Variants in ARSH observed in about 807,000 individuals in gnomAD.
ARSH encodes arylsulfatase family member H.
ARSH carries 32 observed loss-of-function variants against 28.7 expected under a neutral mutation model. The observed-to-expected ratio is 1.11, with a 90% CI of 0.84 to 1.50. The LOEUF is 1.50. Ranked by LOEUF, ARSH falls within the 40% of genes most tolerant of loss-of-function variation. The pLI, the probability that ARSH is intolerant of heterozygous loss-of-function variation, is 0.00. For synonymous variants in ARSH, 176 were observed against 177.3 expected (o/e 0.99, Z 0.06); for missense variants, 440 against 452.4 (o/e 0.97, Z 0.25).
At position 3,024,023 on chromosome X, in the gene ARSH, A is replaced by G; in HGVS notation, c.904A>G (p.Lys302Glu). 3 of 1,209,845 alleles carry G rather than the reference A, an allele frequency of 2.5e-6. No individual in the cohort carries two copies. The highest frequency in any genetic ancestry group is 3.5e-5 in the South Asian group (2 of 56,868). The change falls in exon 6 of 9, where the codon AAA (lysine) becomes GAA (glutamate). Residue 302 changes from lysine (K) to glutamate (E), a missense_variant and splice_region_variant. Transcript: ENST00000381130. Reference sequence around the variant, plus strand: ...TTTGTGTCTCTGACCCTCTCCAGGTAAAATCCTGGATGCCCTGGACCAGGA... The same window carrying G: ...TTTGTGTCTCTGACCCTCTCCAGGTGAAATCCTGGATGCCCTGGACCAGGA... ...NVEEMDWMVG[K>E]ILDALDQERL...
In ARSH at chrX:3,018,546, AC is replaced by A. The variant is rs778028756; in HGVS notation, c.779del (p.Pro260LeufsTer34). 18 of 1,210,274 alleles carry A rather than the reference AC, an allele frequency of 1.5e-5. No homozygotes were observed. Among genetic ancestry groups the A allele is most frequent in the Non-Finnish European group, 1.9e-5 (17 of 894,692 alleles). ...TTCTACCCCTTAGGTACAAAAGGGA[AC>A]CTTTTCTCCTCTTTTTTTCCTTCCT... ...LAFIERYKRE[P>X]FLLFFSFLHV... is the part of the protein sequence containing the mutation. On this transcript the variant is annotated frameshift_variant, in exon 5 of 9. Coordinates refer to ENST00000381130, the MANE Select transcript of ARSH (RefSeq NM_001011719.2). LOFTEE classifies it high-confidence loss of function.
In ARSH at chrX:3,024,418, G is replaced by A. The variant is rs181215928; in HGVS notation, c.1036+263G>A. Among the ~76,000 whole-genome samples, 371 of 110,622 alleles carry A rather than the reference G, an allele frequency of 3.4e-3. 1 individual carries two copies. Among genetic ancestry groups the A allele is most frequent in the African/African-American group, 0.011 (336 of 30,553 alleles). On this transcript the variant is annotated intron_variant, in intron 6 of 8. Transcript: ENST00000381130. ...ATCTGTGGCAGATGTCCCAGCCTCC[G>A]CACGATTGACATTTGAGGCTGGAGG...
intron 5 of ARSH, among the ~76,000 whole-genome samples, chrX:3,020,531 G>C (rs1231933846): frequency 1.0e-5 from 1 of 96,555 alleles, no homozygotes; most frequent in Non-Finnish European, 2.0e-5. Flanking sequence ...GGAGCTTGCA[G>C]TGAGCCGAGA....
At position 3,033,509 on chromosome X, in the gene ARSH, C is replaced by A; in HGVS notation, c.*124C>A. The A allele has an allele frequency of 1.3e-6, 1 of 772,888 alleles. No individual in the cohort carries two copies. The highest frequency in any genetic ancestry group is 1.8e-6 in the Non-Finnish European group (1 of 563,591). 63.7% of individuals were successfully genotyped at this position (772,888 alleles called of 1,213,427 possible). On this transcript the variant is annotated 3_prime_UTR_variant, in exon 9 of 9. Transcript: ENST00000381130. Reference sequence around the variant, plus strand: ...TGATGGCCCAACCCATTGTTTTATCCTCAGAAATCAGTTCTTTCAAGAGCT... The same window carrying A: ...TGATGGCCCAACCCATTGTTTTATCATCAGAAATCAGTTCTTTCAAGAGCT...
chrX:3,021,996 C>T lies in ARSH; in HGVS notation c.902-2025C>T, dbSNP rs141728625. 8.3e-4 allele frequency among the ~76,000 whole-genome samples: 91 copies of T among 109,757 alleles called. 2 individuals are homozygous for T. The highest frequency in any genetic ancestry group is 2.9e-3 in the African/African-American group (88 of 30,169). ...GGCTCAAGCAAACTTCCCACCTCGGCCTCCCAAAGTCCTGGGATTACATGT... is the reference window on the plus strand; with the variant it reads ...GGCTCAAGCAAACTTCCCACCTCGGTCTCCCAAAGTCCTGGGATTACATGT... On this transcript the variant is annotated intron_variant, in intron 5 of 8. Transcript: ENST00000381130.
At chrX:3,026,052 C>T (rs986643173) in intron 6 of ARSH, among the ~76,000 whole-genome samples, 7 of 110,882 alleles carry the variant, frequency 6.3e-5, no homozygotes, top group South Asian at 3.8e-4. Flanking sequence ...AGTTACACCT[C>T]GCAGCTCTGC....
At chrX:3,016,265 G>C (rs190457869) in intron 4 of ARSH, among the ~76,000 whole-genome samples, 7 of 110,467 alleles carry the variant, frequency 6.3e-5, no homozygotes, top group South Asian at 3.9e-4. Flanking sequence ...ACCCACTTTG[G>C]CCTCCCAAAG....
chrX:3,020,588 C>CAA (rs759581189), intron 5 of ARSH, among the ~76,000 whole-genome samples: 1,588 of 43,777 alleles, frequency 0.036, 111 homozygotes, highest in Middle Eastern at 0.052. Context: ...GACTCAGTCT[C>CAA]AAAAAAAAAA....
At chrX:3,008,271 G>A (rs772149491) in intron 1 of ARSH, among the ~76,000 whole-genome samples, 22 of 111,481 alleles carry the variant, frequency 2.0e-4, no homozygotes, top group Non-Finnish European at 2.8e-4. Context: ...TCTGGTACCC[G>A]GGGCTCTTTA....
At chrX:3,030,379 TTAGA>T (rs2089910681) in intron 8 of ARSH, among the ~76,000 whole-genome samples, 2 of 110,921 alleles carry the variant, frequency 1.8e-5, no homozygotes, top group Middle Eastern at 4.2e-3. Flanking sequence ...TGTGTGAGAG[TTAGA>T]TAAAGGAGGT....
intron 2 of ARSH, among the ~76,000 whole-genome samples, chrX:3,011,252 C>CTTTT (rs386419239): frequency 1.1e-5 from 1 of 90,935 alleles, no homozygotes; most frequent in Non-Finnish European, 2.1e-5. Flanking sequence ...TTCTTTCTTT[C>CTTTT]TTTTTTTTTT....
At chrX:3,020,462 G>T (rs774810137) in intron 5 of ARSH, among the ~76,000 whole-genome samples, 8 of 103,923 alleles carry the variant, frequency 7.7e-5, no homozygotes, top group African/African-American at 2.4e-4. Flanking sequence ...GGTGGCGGGC[G>T]CCTGTAGTCC....
intron 2 of ARSH, among the ~76,000 whole-genome samples, chrX:3,011,815 C>T (rs2089847387): frequency 9.0e-6 from 1 of 111,500 alleles, no homozygotes; most frequent in Admixed American, 9.6e-5. Flanking sequence ...AGTCTACTTT[C>T]TTCTTCTTCC....
chrX:3,019,182 T>G lies in ARSH; in HGVS notation c.901+512T>G, dbSNP rs755388223. 6.5e-4 allele frequency among the ~76,000 whole-genome samples: 69 copies of G among 106,751 alleles called. 1 individual carries two copies. Among genetic ancestry groups the G allele is most frequent in the Non-Finnish European group, 1.1e-3 (57 of 52,022 alleles). The allele number at this position is 106,751 out of a possible 115,157, so 92.7% of individuals were successfully genotyped here. ...CGGGAGGGTGAGGCAGGAGAATCAC[T>G]TGGATCCAGGATGCAGAGGTTGCAG... On this transcript the variant is annotated intron_variant, in intron 5 of 8. Coordinates refer to ENST00000381130, the MANE Select transcript of ARSH (RefSeq NM_001011719.2).
intron 3 of ARSH, 35 bp downstream of exon 3, chrX:3,013,207 TC>T: frequency 8.4e-7 from 1 of 1,185,047 alleles, no homozygotes; most frequent in Non-Finnish European, 1.1e-6. Context: ...GGAAACGTGA[TC>T]CTGCAGCCTC....
At chrX:3,027,783 G>C (rs2089903003) in intron 7 of ARSH, among the ~76,000 whole-genome samples, 1 of 111,919 alleles carries the variant, frequency 8.9e-6, no homozygotes, top group African/African-American at 3.2e-5. Flanking sequence ...ATGCAATTAA[G>C]TGTTAAATGA....
rs184134959 is a variant in ARSH at position 3,031,098 on chromosome X, A to G, written c.1321+1730A>G. ...CAGTTGGCAATGATCGTGCCACTGT[A>G]CTCCAGCCTGGGCAACAAAGTGAGA... On this transcript the variant is annotated intron_variant, in intron 8 of 8. Transcript: ENST00000381130. Among the ~76,000 whole-genome samples, 512 of 107,637 alleles carry G rather than the reference A, an allele frequency of 4.8e-3. 4 individuals carry two copies. The highest frequency in any genetic ancestry group is 7.5e-3 in the Admixed American group (73 of 9,772). The allele number at this position is 107,637 out of a possible 115,157, so 93.5% of individuals were successfully genotyped here.
At chrX:3,032,875 G>C (rs2089918242) in intron 8 of ARSH, 143 bp from the exon 9 acceptor site, 1 of 571,558 alleles carries the variant, frequency 1.7e-6, no homozygotes, top group Non-Finnish European at 2.7e-6. Flanking sequence ...TAGAGTTGAA[G>C]AAATGCTACT....
At chrX:3,024,682 TTA>T (rs2089894053) in intron 6 of ARSH, among the ~76,000 whole-genome samples, 1 of 111,634 alleles carries the variant, frequency 9.0e-6, no homozygotes, top group African/African-American at 3.3e-5. Flanking sequence ...ATGCTATTCA[TTA>T]TGCTTTAACT....
Sources: allele counts gnomAD v4.1 joint callset (sites outside exome capture counted in the v4.1 genomes callset), GRCh38; gene constraint gnomAD v4.1.1; transcripts MANE v1.5; gene names NCBI Gene and HGNC (gene_info 2026-07-23, HGNC 2026-07-21).